Variants in SNAPC2 observed in about 807,000 individuals in gnomAD.
SNAPC2 encodes the protein snRNA-activating protein complex subunit 2.
A neutral mutation model predicts 22.9 loss-of-function variants in SNAPC2; 27 were observed. The observed-to-expected ratio is 1.18, with a 90% confidence interval of 0.87 to 1.63. The LOEUF is 1.63. Among genes scored for constraint, SNAPC2 ranks in the 40% most tolerant of loss-of-function variants. The pLI is 0.00. For missense variants in SNAPC2, 570 were observed against 449.1 expected (o/e 1.27, Z -2.43); for synonymous variants, 272 against 201.0 (o/e 1.35, Z -2.99).
chr19:7,921,306 A>C, intron 1 of SNAPC2, 117 bp from the exon 2 acceptor site: 2 of 1,537,240 alleles, frequency 1.3e-6, no homozygotes, highest in Non-Finnish European at 1.8e-6. Context: ...ACACCGGGCC[A>C]GCAGGAGACT....
rs771560518 is a variant in SNAPC2, at chr19:7,922,814, G to A, written c.*50G>A. On this transcript the variant is annotated 3_prime_UTR_variant, in exon 5 of 5. Coordinates refer to ENST00000221573, the MANE Select transcript of SNAPC2 (RefSeq NM_003083.4). ...ACCAGGCCCCCCGCCCTGCCCCTCG[G>A]TTCTGCTCGGCTGGCCCTGGCTCTT... 2.6e-5 allele frequency: 36 copies of A among 1,407,198 alleles called. 1 individual carries two copies. Among genetic ancestry groups the A allele is most frequent in the South Asian group, 2.0e-4 (15 of 73,516 alleles). 87.2% of individuals were successfully genotyped at this position (1,407,198 alleles called of 1,614,324 possible).
Position 7,921,900 on chromosome 19 carries a change from G to A in SNAPC2, c.372+127G>A, listed in dbSNP as rs147722010. Reference sequence around the variant, plus strand: ...GACTCCGTCAGTCACTGGACACCTCGAGCCTCAGTGTCCCTGGCTCTGAGG... The same window carrying A: ...GACTCCGTCAGTCACTGGACACCTCAAGCCTCAGTGTCCCTGGCTCTGAGG... On this transcript the variant is annotated intron_variant, in intron 3 of 4. Coordinates refer to ENST00000221573, the MANE Select transcript of SNAPC2 (RefSeq NM_003083.4). The A allele has an allele frequency of 7.5e-4, 1,022 of 1,359,818 alleles. 21 individuals carry two copies. In the South Asian group the frequency reaches 0.012, roughly 16 times the overall value. 84.2% of individuals were successfully genotyped at this position (1,359,818 alleles called of 1,614,324 possible).
chr19:7,921,981 G>C (rs994480529), intron 3 of SNAPC2, 54 bp from the exon 4 acceptor site: 11 of 1,551,404 alleles, frequency 7.1e-6, no homozygotes, highest in Non-Finnish European at 9.6e-6. Flanking sequence ...GGAATGTGTA[G>C]ACGGTGAGAA....
Position 7,920,493 on chromosome 19 carries a change from C to T in SNAPC2, c.127C>T (p.Pro43Ser). 2.7e-6 allele frequency: 4 copies of T among 1,505,914 alleles called. No homozygotes were observed. Among genetic ancestry groups the T allele is most frequent in the Non-Finnish European group, 3.5e-6 (4 of 1,135,392 alleles). 93.3% of individuals were successfully genotyped at this position (1,505,914 alleles called of 1,614,324 possible). ...ACTCCTGCAGGCGCGGCAGGGCCAG[C>T]CGGAGCCGGACGCCACCGAGCTGGC... ...VRLLQARQGQ[P>S]EPDATELARE... The change falls in exon 1 of 5, where the codon CCG becomes TCG. Residue 43 changes from proline (P) to serine (S), a missense_variant. Coordinates refer to ENST00000221573, the MANE Select transcript of SNAPC2 (RefSeq NM_003083.4).
rs566132859 is a variant in SNAPC2 at position 7,922,602 on chromosome 19, G to A, written c.843G>A (p.Gly281=). Residue 281 remains glycine (G), a synonymous_variant, in exon 5 of 5, where the codon GGG becomes GGA. Transcript: ENST00000221573. ...GGAGCCTGGGGCCTGCAGCAGAAGG[G>A]GATGGGGCTGGCTCCAAGGCACCAG... ...AGGSLGPAAE[G]DGAGSKAPEE... is the part of the protein sequence containing the mutation. 1.2e-6 allele frequency: 2 copies of A among 1,613,642 alleles called. No homozygotes were observed. The highest frequency in any genetic ancestry group is 1.3e-5 in the African/African-American group (1 of 75,032).
intron 3 of SNAPC2, 38 bp from the exon 4 acceptor site, chr19:7,921,997 C>T: frequency 6.3e-7 from 1 of 1,577,080 alleles, no homozygotes; most frequent in Non-Finnish European, 8.6e-7. Context: ...GAGAAGACTT[C>T]CCAGCTCCTC....
chr19:7,922,822 C>T lies in SNAPC2; in HGVS notation c.*58C>T, dbSNP rs958193312. 20 of 1,355,938 alleles carry T rather than the reference C, an allele frequency of 1.5e-5. No homozygotes were observed. Among genetic ancestry groups the T allele is most frequent in the African/African-American group, 1.2e-4 (8 of 68,666 alleles). The allele number at this position is 1,355,938 out of a possible 1,614,324, so 84.0% of individuals were successfully genotyped here. On this transcript the variant is annotated 3_prime_UTR_variant, in exon 5 of 5. Coordinates refer to ENST00000221573, the MANE Select transcript of SNAPC2 (RefSeq NM_003083.4). ...CCCCGCCCTGCCCCTCGGTTCTGCTCGGCTGGCCCTGGCTCTTTCTGAGGA... is the reference window on the plus strand; with the variant it reads ...CCCCGCCCTGCCCCTCGGTTCTGCTTGGCTGGCCCTGGCTCTTTCTGAGGA...
chr19:7,920,635 G>A, intron 1 of SNAPC2, 86 bp downstream of exon 1: 1 of 754,292 alleles, frequency 1.3e-6, no homozygotes. Context: ...GCAGGAGCCA[G>A]CGGGGCGGGG....
intron 3 of SNAPC2, 35 bp from the exon 4 acceptor site, chr19:7,922,000 A>G (rs1342979207): frequency 6.3e-7 from 1 of 1,580,000 alleles, no homozygotes; most frequent in South Asian, 1.2e-5. Flanking sequence ...AAGACTTCCC[A>G]GCTCCTCTTC....
chr19:7,923,198 T>TC lies in SNAPC2; in HGVS notation c.*437dup, dbSNP rs1439010321. The TC allele has an allele frequency of 2.4e-5, 4 of 168,612 alleles. No individual in the cohort carries two copies. The highest frequency in any genetic ancestry group is 3.8e-5 in the Non-Finnish European group (3 of 79,536). 10.4% of individuals were successfully genotyped at this position (168,612 alleles called of 1,614,324 possible). The stretch of plus-strand genomic sequence containing the variant: ...CTCCCTGCTGCCAGGTCCTTCCCCT[T>TC]CCCGGGGGTATTCTGTGACCATGAA... On this transcript the variant is annotated 3_prime_UTR_variant, in exon 5 of 5. Coordinates refer to ENST00000221573, the MANE Select transcript of SNAPC2 (RefSeq NM_003083.4).
In SNAPC2 at chr19:7,921,135, G is replaced by A. The variant is rs114779457; in HGVS notation, c.184-288G>A. On this transcript the variant is annotated intron_variant, in intron 1 of 4. Transcript: ENST00000221573. Reference sequence around the variant, plus strand: ...CGAGCTTGAAGTGAGAGGGAATAGAGAAGAGGGGACGAAGAAGGGAGTTGA... The same window carrying A: ...CGAGCTTGAAGTGAGAGGGAATAGAAAAGAGGGGACGAAGAAGGGAGTTGA... 5.2e-6 allele frequency: 7 copies of A among 1,352,738 alleles called. No homozygotes were observed. The East Asian group carries it at 9.2e-5, about 18-fold the overall frequency. The allele number at this position is 1,352,738 out of a possible 1,614,324, so 83.8% of individuals were successfully genotyped here.
Position 7,922,943 on chromosome 19 carries a change from G to A in SNAPC2, c.*179G>A, listed in dbSNP as rs1364769818. 13 of 562,984 alleles carry A rather than the reference G, an allele frequency of 2.3e-5. No homozygotes were observed. The East Asian group carries it at 2.4e-4, about 10-fold the overall frequency. 34.9% of individuals were successfully genotyped at this position (562,984 alleles called of 1,614,324 possible). ...TGGGGGTCTCAGAAATGGAACCCCC[G>A]TTGTACAGGGGTTGGGTGGGGGTTG... On this transcript the variant is annotated 3_prime_UTR_variant, in exon 5 of 5. Coordinates refer to ENST00000221573, the MANE Select transcript of SNAPC2 (RefSeq NM_003083.4).
Position 7,922,531 on chromosome 19 carries a change from G to A in SNAPC2, c.772G>A (p.Glu258Lys). The A allele has an allele frequency of 6.2e-7, 1 of 1,612,950 alleles. No individual in the cohort carries two copies. The highest frequency in any genetic ancestry group is 8.5e-7 in the Non-Finnish European group (1 of 1,179,472). ...CACAGCCCTGGTTGAGCATATGACG[G>A]AGACGTACCTACGCCTGACAGCCCC... is the stretch of plus-strand genomic sequence containing the variant. ...PCTALVEHMT[E>K]TYLRLTAPQP... The change falls in exon 5 of 5, where the codon GAG becomes AAG. Residue 258 changes from glutamate to lysine, a missense_variant. Glu to Lys is a moderately conservative substitution (Grantham distance 56). Transcript: ENST00000221573.
At chr19:7,920,594 T>G (rs1376305431) in intron 1 of SNAPC2, 45 bp downstream of exon 1, 19 of 161,176 alleles carry the variant, frequency 1.2e-4, no homozygotes, top group East Asian at 3.1e-4. Flanking sequence ...GAGGCGGGGC[T>G]GGGGTGGGGC....
intron 1 of SNAPC2, 29 bp downstream of exon 1, chr19:7,920,578 A>G: frequency 4.6e-6 from 3 of 648,378 alleles, no homozygotes; most frequent in Non-Finnish European, 4.0e-6. Context: ...GACCGGAGCC[A>G]GGCTGGAGGC....
At chr19:7,921,897 C>T in intron 3 of SNAPC2, 124 bp downstream of exon 3, 1 of 1,358,784 alleles carries the variant, frequency 7.4e-7, no homozygotes, top group Non-Finnish European at 1.0e-6. Context: ...CACTGGACAC[C>T]TCGAGCCTCA....
At chr19:7,921,979 T>A in intron 3 of SNAPC2, 56 bp from the exon 4 acceptor site, 1 of 1,547,856 alleles carries the variant, frequency 6.5e-7, no homozygotes, top group Non-Finnish European at 8.8e-7. Flanking sequence ...GGGGAATGTG[T>A]AGACGGTGAG....
chr19:7,922,794 G>T lies in SNAPC2; in HGVS notation c.*30G>T. 1 of 1,497,482 alleles carries T rather than the reference G, an allele frequency of 6.7e-7. No homozygotes were observed. The highest frequency in any genetic ancestry group is 2.3e-5 in the East Asian group (1 of 43,782). 92.8% of individuals were successfully genotyped at this position (1,497,482 alleles called of 1,614,324 possible). ...CATGGCGGGCAGGAGGCCACACCAG[G>T]CCCCCCGCCCTGCCCCTCGGTTCTG... On this transcript the variant is annotated 3_prime_UTR_variant, in exon 5 of 5. Coordinates refer to ENST00000221573, the MANE Select transcript of SNAPC2 (RefSeq NM_003083.4).
chr19:7,920,669 C>T (rs1411540890), intron 1 of SNAPC2, 120 bp downstream of exon 1: 2 of 232,326 alleles, frequency 8.6e-6, no homozygotes, highest in Non-Finnish European at 1.2e-5. Flanking sequence ...CGAGCGGGGG[C>T]GTGGCGTGGG....
Sources: allele counts gnomAD v4.1 joint callset, GRCh38; gene constraint gnomAD v4.1.1; transcripts MANE v1.5; gene names NCBI Gene and HGNC (gene_info 2026-07-23, HGNC 2026-07-21).